The following ASMTL variants were observed in gnomAD, a reference collection of about 807,000 sequenced individuals.
ASMTL encodes the protein acetylserotonin O-methyltransferase like, also known as probable bifunctional dTTP/UTP pyrophosphatase/methyltransferase protein.
Under a neutral mutation model 60.3 loss-of-function variants are expected in ASMTL, and 57 were observed. The observed-to-expected ratio is 0.95, with a 90% CI of 0.76 to 1.18. The LOEUF (loss-of-function observed/expected upper bound fraction) is 1.18, where lower values mean the gene tolerates loss of function less well. ASMTL is among the 50% of genes most tolerant of loss of function. The pLI is 0.00. For missense variants in ASMTL, 981 were observed against 852.6 expected (o/e 1.15, Z -1.88); for synonymous variants, 419 against 373.0 (o/e 1.12, Z -1.42).
chrX:1,430,054 G>C (rs1291959228), intron 6 of ASMTL, among the ~76,000 whole-genome samples: 2 of 151,094 alleles, frequency 1.3e-5, no homozygotes, highest in Admixed American at 1.3e-4. Flanking sequence ...TCGCTCTGTT[G>C]CCCAGGCTGG....
rs1255833685 is a variant in ASMTL, at chrX:1,419,084, G to A, written c.1276C>T (p.Leu426=). The change falls in exon 10 of 13, where the codon CTG becomes TTG. Residue 426 remains leucine (L), a synonymous_variant. Transcript: ENST00000381317. ...DAYYQSPETR[L]RFMRAMHGMT... ...CCGTGCATGGCCCGCATGAACCTCA[G>A]CCGCGTCTCCGGGCTCTGGTAGTAC... 5 of 1,611,252 alleles carry A rather than the reference G, an allele frequency of 3.1e-6. No individual in the cohort carries two copies. In the African/African-American group the frequency reaches 6.7e-5, roughly 22 times the overall value.
intron 6 of ASMTL, chrX:1,432,026 C>G (rs2090804439): frequency 1.7e-6 from 1 of 577,350 alleles, no homozygotes; most frequent in East Asian, 2.9e-5. Context: ...CCAGTCCCCA[C>G]CGCAGCCCAG....
rs1319763176 is a variant in ASMTL, at chrX:1,403,449, C to T, written c.1686G>A (p.Glu562=). The T allele has an allele frequency of 2.2e-5, 36 of 1,612,404 alleles. No homozygotes were observed. The highest frequency in any genetic ancestry group is 2.9e-5 in the Non-Finnish European group (34 of 1,179,788). ...TCAGGGCGCGCTGCGCCACCCTCTT[C>T]TCCTCATCCAGGAGCGTCTCCACCA... ...LLLVETLLDE[E]KRVAQRALMQ... The change falls in exon 13 of 13, where the codon GAG becomes GAA. Residue 562 remains glutamate (E), a synonymous_variant. Transcript: ENST00000381317.
rs1213223432 is a variant in ASMTL at position 1,442,194 on chromosome X, G to C, written c.217C>G (p.Leu73Val). The C allele has an allele frequency of 6.2e-7, 1 of 1,613,690 alleles. No homozygotes were observed. Among genetic ancestry groups the C allele is most frequent in the East Asian group, 2.2e-5 (1 of 44,886 alleles). The change falls in exon 2 of 13, where the codon CTG (leucine) becomes GTG (valine). Residue 73 changes from leucine (L) to valine (V), a missense_variant. Coordinates refer to ENST00000381317, the MANE Select transcript of ASMTL (RefSeq NM_004192.4). ...KQKALEVANR[L>V]YQKDLRAPDV... ...GGGCAGGGGCCCCTTGCCTGGTACA[G>C]CCGGTTGGCCACCTCCAGGGCCTTC...
chrX:1,442,294 G>A lies in ASMTL; in HGVS notation c.117C>T (p.Pro39=). 2.5e-6 allele frequency: 4 copies of A among 1,613,858 alleles called. No individual in the cohort carries two copies. The highest frequency in any genetic ancestry group is 3.4e-6 in the Non-Finnish European group (4 of 1,179,860). Residue 39 remains proline (P), a synonymous_variant, in exon 2 of 13, where the codon CCC becomes CCT. Transcript: ENST00000381317. ...TGTCCAGCTTCTCTTTAAACTTGGAGGGGACCACCTCAAACCTGAGACCCT... is the reference window on the plus strand; with the variant it reads ...TGTCCAGCTTCTCTTTAAACTTGGAAGGGACCACCTCAAACCTGAGACCCT... ...SNAGLRFEVV[P]SKFKEKLDKA... is the part of the protein sequence containing the mutation.
rs372320036 is a variant in ASMTL at position 1,435,002 on chromosome X, G to A, written c.400+20C>T. 57 of 1,613,310 alleles carry A rather than the reference G, an allele frequency of 3.5e-5. 1 individual carries two copies. Among genetic ancestry groups the A allele is most frequent in the East Asian group, 6.7e-5 (3 of 44,880 alleles). ...TTGTCTCGGCCTCTGGGGCTACCCC[G>A]AAACCTGGGCCGCGGTTACCTTTGC... On this transcript the variant is annotated intron_variant, in intron 5 of 12. Coordinates refer to ENST00000381317, the MANE Select transcript of ASMTL (RefSeq NM_004192.4).
At chrX:1,443,531 G>A (rs779468827) in intron 1 of ASMTL, among the ~76,000 whole-genome samples, 187 of 149,344 alleles carry the variant, frequency 1.3e-3, no homozygotes, top group African/African-American at 4.3e-3. Flanking sequence ...GACACACACC[G>A]CCATCTTGGA....
chrX:1,406,607 G>A (rs1569530852), intron 12 of ASMTL, among the ~76,000 whole-genome samples: 4 of 151,432 alleles, frequency 2.6e-5, no homozygotes, highest in African/African-American at 9.7e-5. Context: ...TGAATAGATA[G>A]GTAGGTAGGT....
chrX:1,446,603 G>C (rs1283850040), intron 1 of ASMTL, among the ~76,000 whole-genome samples: 55 of 150,934 alleles, frequency 3.6e-4, no homozygotes, highest in Admixed American at 3.2e-3. Flanking sequence ...AGGTTCAAGC[G>C]ATTCTCCTGC....
At chrX:1,452,566 A>G (rs1488438390) in intron 1 of ASMTL, among the ~76,000 whole-genome samples, 182 bp downstream of exon 1, 3 of 122,216 alleles carry the variant, frequency 2.5e-5, no homozygotes, top group African/African-American at 6.5e-5. Context: ...CCATCCCTAG[A>G]GGTTCCGGGT....
intron 3 of ASMTL, among the ~76,000 whole-genome samples, chrX:1,438,239 C>T (rs1426821436): frequency 5.3e-5 from 8 of 151,566 alleles, no homozygotes; most frequent in Admixed American, 6.6e-5. Context: ...GCCGAGATCA[C>T]GCCACTGTAA....
At chrX:1,452,991 CT>C (rs1222454113), upstream of ASMTL, 38 of 585,628 alleles carry the variant, frequency 6.5e-5, no homozygotes, top group Middle Eastern at 4.5e-4. Context: ...CAGTCCGCGC[CT>C]TCAGTGGCCT....
intron 12 of ASMTL, among the ~76,000 whole-genome samples, chrX:1,406,075 A>G (rs2089823308): frequency 1.3e-5 from 2 of 148,930 alleles, no homozygotes; most frequent in African/African-American, 5.0e-5. Flanking sequence ...GGAGGCATGG[A>G]TGAGATGGAT....
At chrX:1,420,147 CTTTG>C (rs1333465643) in intron 9 of ASMTL, among the ~76,000 whole-genome samples, 4 of 151,724 alleles carry the variant, frequency 2.6e-5, no homozygotes, top group African/African-American at 9.7e-5. Flanking sequence ...CTGTCTCCAT[CTTTG>C]TTTCTGTCTC....
intron 3 of ASMTL, among the ~76,000 whole-genome samples, chrX:1,436,383 C>T (rs775795499): frequency 2.0e-5 from 3 of 152,098 alleles, no homozygotes; most frequent in East Asian, 1.9e-4. Flanking sequence ...GACAGAGTCT[C>T]GCTCTATCAC....
chrX:1,419,751 A>G (rs2090422138), intron 9 of ASMTL, among the ~76,000 whole-genome samples: 1 of 152,168 alleles, frequency 6.6e-6, no homozygotes, highest in African/African-American at 2.4e-5. Flanking sequence ...GCCGGTCTCC[A>G]TCCTGGCTCC....
At position 1,403,329 on chromosome X, in the gene ASMTL, C is replaced by T. The variant is rs748803145; in HGVS notation, c.1806G>A (p.Val602=). 6.8e-6 allele frequency: 11 copies of T among 1,613,370 alleles called. No homozygotes were observed. Among genetic ancestry groups the T allele is most frequent in the Non-Finnish European group, 9.3e-6 (11 of 1,179,862 alleles). ...CLLELHGFHQ[V]QVVHLGGVLD... is the part of the protein sequence containing the mutation. ...GGACACCCCCCAAGTGCACCACCTG[C>T]ACCTGGTGGAAGCCGTGCAGCTCCA... is the stretch of plus-strand genomic sequence containing the variant. The change falls in exon 13 of 13, where the codon GTG becomes GTA. Residue 602 remains valine, a synonymous_variant. Transcript: ENST00000381317.
intron 2 of ASMTL, 79 bp downstream of exon 2, chrX:1,442,107 C>T: frequency 6.6e-7 from 1 of 1,519,158 alleles, no homozygotes; most frequent in Non-Finnish European, 9.0e-7. Flanking sequence ...TTATTTGTGT[C>T]ATGTATATTT....
In ASMTL at chrX:1,419,652, C is replaced by G. The variant is rs1224103267; in HGVS notation, c.1246-538G>C. Among the ~76,000 whole-genome samples, 10 of 152,170 alleles carry G rather than the reference C, an allele frequency of 6.6e-5. 1 individual carries two copies. Among genetic ancestry groups the G allele is most frequent in the Admixed American group, 6.5e-4 (10 of 15,276 alleles). On this transcript the variant is annotated intron_variant, in intron 9 of 12. Coordinates refer to ENST00000381317, the MANE Select transcript of ASMTL (RefSeq NM_004192.4). ...AGCCCAGGCTCATCCTGGCTCAGTG[C>G]TGTGTCCAGGGTTCGCCTGGACATC...
Sources: gnomAD v4.1 joint callset for allele counts (sites outside exome capture counted in the v4.1 genomes callset) on GRCh38, gnomAD v4.1.1 for gene constraint, MANE v1.5 for transcripts, NCBI Gene and HGNC (gene_info 2026-07-23, HGNC 2026-07-21) for gene names.